Variants in TACC3 observed in about 807,000 individuals in gnomAD.
TACC3 encodes transforming acidic coiled-coil containing protein 3, also known as transforming acidic coiled-coil-containing protein 3.
A neutral mutation model predicts 86.0 loss-of-function variants in TACC3; 52 were observed. The observed-to-expected ratio is 0.60, with a 90% CI of 0.48 to 0.76. The LOEUF is 0.76. TACC3 is among the 30% of genes least tolerant of loss of function. TACC3 has a pLI of 0.00. For missense variants in TACC3, 1,120 were observed against 1,070.4 expected (o/e 1.05, Z -0.65); for synonymous variants, 512 against 430.0 (o/e 1.19, Z -2.36).
chr4:1,722,526 C>A (rs1206139402), intron 1 of TACC3, among the ~76,000 whole-genome samples: 1 of 152,176 alleles, frequency 6.6e-6, no homozygotes, highest in African/African-American at 2.4e-5. Context: ...CCACAGTGGG[C>A]TTCTCAAGCT....
chr4:1,740,370 A>G, intron 12 of TACC3: 1 of 391,446 alleles, frequency 2.6e-6, no homozygotes. Flanking sequence ...CAGGACGGGA[A>G]CACCAGGCCT....
Position 1,740,794 on chromosome 4 carries a change from T to C in TACC3, c.2063-32T>C, listed in dbSNP as rs368738938. Reference sequence around the variant, plus strand: ...GGCACCCATCGTTTCGGTTGCCTCCTCATCCTGAACGTTTGCTTTTCTTTT... The same window carrying C: ...GGCACCCATCGTTTCGGTTGCCTCCCCATCCTGAACGTTTGCTTTTCTTTT... On this transcript the variant is annotated intron_variant, in intron 12 of 15. Transcript: ENST00000313288. The C allele has an allele frequency of 1.4e-5, 22 of 1,590,938 alleles. No homozygotes were observed. The African/African-American group carries it at 2.2e-4, about 16-fold the overall frequency.
At chr4:1,742,823 TTAGG>T (rs1718659032) in intron 13 of TACC3, among the ~76,000 whole-genome samples, 2 of 71,910 alleles carry the variant, frequency 2.8e-5, no homozygotes, top group Non-Finnish European at 3.4e-5. Context: ...CAAAAATTAG[TTAGG>T]CATGGTGGTG....
At chr4:1,740,297 A>G (rs551556671) in intron 12 of TACC3, 9 of 535,376 alleles carry the variant, frequency 1.7e-5, no homozygotes, top group Admixed American at 3.4e-5. Context: ...GCCGTGGCCT[A>G]CCCCACTCCA....
chr4:1,743,279 G>A (rs1170205751), intron 13 of TACC3, among the ~76,000 whole-genome samples: 2 of 140,782 alleles, frequency 1.4e-5, no homozygotes, highest in African/African-American at 2.7e-5. Context: ...AAAAGCCTGG[G>A]CACAGTGGCT....
At position 1,728,637 on chromosome 4, in the gene TACC3, A is replaced by T; in HGVS notation, c.1235A>T (p.Asp412Val). The T allele has an allele frequency of 6.2e-7, 1 of 1,613,824 alleles. No individual in the cohort carries two copies. The highest frequency in any genetic ancestry group is 8.5e-7 in the Non-Finnish European group (1 of 1,180,000). ...CACCTCGACTGGGACAAAATGGATG[A>T]CCCAAACTTCATCCCGTTCGGAGGT... ...SYHLDWDKMD[D>V]PNFIPFGGDT... is the part of the protein sequence containing the mutation. Residue 412 changes from aspartate to valine, a missense_variant, in exon 4 of 16, where the codon GAC becomes GTC. Coordinates refer to ENST00000313288, the MANE Select transcript of TACC3 (RefSeq NM_006342.3).
chr4:1,737,407 T>A, intron 9 of TACC3, 79 bp downstream of exon 9: 1 of 1,397,744 alleles, frequency 7.2e-7, no homozygotes, highest in East Asian at 2.3e-5. Context: ...ATATTTTCTA[T>A]TCCTGGGGGT....
chr4:1,741,032 C>T, intron 13 of TACC3, 46 bp downstream of exon 13: 1 of 1,553,570 alleles, frequency 6.4e-7, no homozygotes, highest in Non-Finnish European at 8.7e-7. Flanking sequence ...GGCTGATGGA[C>T]TCATGGTCCA....
At chr4:1,720,857 TGTCGAG>T, upstream of TACC3, 1 of 1,559,374 alleles carries the variant, frequency 6.4e-7, no homozygotes, top group East Asian at 2.4e-5. This position sits in a 1 kb window ranked among gnomAD's most constrained non-coding sequence, Gnocchi z 4.4. Flanking sequence ...GCCGGGAAGC[TGTCGAG>T]CTAGGCCCCC....
At chr4:1,724,955 G>A (rs1717614875) in intron 3 of TACC3, among the ~76,000 whole-genome samples, 1 of 124,078 alleles carries the variant, frequency 8.1e-6, no homozygotes, top group Non-Finnish European at 1.7e-5. Context: ...TTTTTACACG[G>A]AGTTTCATTC....
At chr4:1,739,938 G>A in intron 11 of TACC3, 21 bp from the exon 12 acceptor site, 1 of 1,613,104 alleles carries the variant, frequency 6.2e-7, no homozygotes, top group Non-Finnish European at 8.5e-7. Flanking sequence ...CAATGGCTGT[G>A]TGTCTGTTCT....
chr4:1,734,666 A>T (rs1436457016), intron 6 of TACC3, among the ~76,000 whole-genome samples: 2 of 152,042 alleles, frequency 1.3e-5, no homozygotes, highest in Non-Finnish European at 2.9e-5. Flanking sequence ...TGTATGTGGT[A>T]TGAGGCACCT....
In TACC3 at chr4:1,723,858, C is replaced by T. The variant is rs747504530; in HGVS notation, c.293C>T (p.Thr98Ile). ...LGLENSHPVW[T>I]QKENQQLIKE... ...CTGGAAAACTCACACCCGGTCTGGA[C>T]ACAGAAAGAGAAGTAAGTGTTGGTG... The change falls in exon 3 of 16, where the codon ACA becomes ATA. Residue 98 changes from threonine to isoleucine, a missense_variant. Coordinates refer to ENST00000313288, the MANE Select transcript of TACC3 (RefSeq NM_006342.3). 10 of 1,613,296 alleles carry T rather than the reference C, an allele frequency of 6.2e-6. No individual in the cohort carries two copies. The Admixed American group carries it at 1.2e-4, about 19-fold the overall frequency.
rs571192835 is a variant in TACC3 at position 1,742,395 on chromosome 4, G to T, written c.2223+1409G>T. Among the ~76,000 whole-genome samples the T allele has an allele frequency of 6.8e-4, 103 of 152,358 alleles. 1 individual carries two copies. Among genetic ancestry groups the T allele is most frequent in the Non-Finnish European group, 1.3e-3 (90 of 68,028 alleles). On this transcript the variant is annotated intron_variant, in intron 13 of 15. Coordinates refer to ENST00000313288, the MANE Select transcript of TACC3 (RefSeq NM_006342.3). ...CCTCGCCTCTCCCCGGGGCAGGCCTGTGCCTCAGCTCCCACTGGCCACCTC... is the reference window on the plus strand; with the variant it reads ...CCTCGCCTCTCCCCGGGGCAGGCCTTTGCCTCAGCTCCCACTGGCCACCTC...
At chr4:1,726,554 G>T (rs77096142) in intron 3 of TACC3, among the ~76,000 whole-genome samples, 1 of 152,306 alleles carries the variant, frequency 6.6e-6, no homozygotes, top group African/African-American at 2.4e-5. Flanking sequence ...ATGTTTTCAC[G>T]CAGATTAAAG....
chr4:1,744,322 A>G (rs892047388), intron 13 of TACC3, 196 bp from the exon 14 acceptor site: 2 of 583,348 alleles, frequency 3.4e-6, no homozygotes, highest in African/African-American at 3.7e-5. Flanking sequence ...GTGGAGAGCC[A>G]GGGCTGTCCT....
Position 1,744,977 on chromosome 4 carries a change from C to A in TACC3, c.2481C>A (p.Ile827=), listed in dbSNP as rs1352644850. The change falls in exon 16 of 16, where the codon ATC becomes ATA. Residue 827 remains isoleucine (I), a synonymous_variant. Transcript: ENST00000313288. ...AAGAGAACGAGGAGCTGACCAGGATCTGCGACGACCTCATCTCCAAGATGG... is the reference window on the plus strand; with the variant it reads ...AAGAGAACGAGGAGCTGACCAGGATATGCGACGACCTCATCTCCAAGATGG... ...KTKENEELTR[I]CDDLISKMEK... 6.2e-7 allele frequency: 1 copy of A among 1,611,274 alleles called. No homozygotes were observed. Among genetic ancestry groups the A allele is most frequent in the Admixed American group, 1.7e-5 (1 of 59,776 alleles).
In TACC3 at chr4:1,727,735, C is replaced by G. The variant is rs774476667; in HGVS notation, c.333C>G (p.Ala111=). 1 of 1,593,266 alleles carries G rather than the reference C, an allele frequency of 6.3e-7. No homozygotes were observed. Among genetic ancestry groups the G allele is most frequent in the East Asian group, 2.2e-5 (1 of 44,606 alleles). ...ENQQLIKEVD[A]KTTHGILQKP... is the part of the protein sequence containing the mutation. The stretch of plus-strand genomic sequence containing the variant: ...AACAGCTCATCAAGGAAGTGGATGC[C>G]AAAACTACTCATGGAATTCTACAGA... The change falls in exon 4 of 16, where the codon GCC becomes GCG. Residue 111 remains alanine (A), a synonymous_variant. Coordinates refer to ENST00000313288, the MANE Select transcript of TACC3 (RefSeq NM_006342.3).
intron 13 of TACC3, among the ~76,000 whole-genome samples, chr4:1,742,403 G>C (rs1718638340): frequency 6.6e-6 from 1 of 152,240 alleles, no homozygotes; most frequent in African/African-American, 2.4e-5. Context: ...CTGTGCCTCA[G>C]CTCCCACTGG....
Sources: allele counts gnomAD v4.1 joint callset (sites outside exome capture counted in the v4.1 genomes callset), GRCh38; gene constraint gnomAD v4.1.1; non-coding constraint Gnocchi (gnomAD v3.1); transcripts MANE v1.5; gene names NCBI Gene and HGNC (gene_info 2026-07-23, HGNC 2026-07-21).